The following SCRG1 variants were observed in gnomAD, a reference collection of about 807,000 sequenced individuals.
SCRG1 encodes the protein stimulator of chondrogenesis 1.
SCRG1 carries 3 observed loss-of-function variants against 7.7 expected under a neutral mutation model. That is an observed-to-expected ratio of 0.39 (90% CI 0.18 to 1.01). The LOEUF (loss-of-function observed/expected upper bound fraction) is 1.01, where lower values mean the gene tolerates loss of function less well. Ranked by LOEUF, SCRG1 falls within the 50% of genes least tolerant of loss-of-function variation. The probability of loss-of-function intolerance (pLI) is 0.36; values close to 1 mark genes in which losing one functional copy is unlikely to be tolerated. For missense variants in SCRG1, 110 were observed against 117.2 expected (o/e 0.94, Z 0.28); for synonymous variants, 46 against 41.2 (o/e 1.12, Z -0.44).
At chr4:173,442,158 C>T in the SCRG1 span, among the ~76,000 whole-genome samples, 2 of 152,324 alleles carry the variant, frequency 1.3e-5, no homozygotes, top group African/African-American at 4.8e-5. Context: ...CTAAAATGTA[C>T]TTATTTTTCA....
the SCRG1 span, among the ~76,000 whole-genome samples, chr4:173,485,064 ATATATTATATAT>A: frequency 1.2e-3 from 12 of 9,938 alleles, 4 homozygotes; most frequent in African/African-American, 2.9e-3. Flanking sequence ...ATTATATATT[ATATATTATATAT>A]TATATAATAT....
chr4:173,505,829 C>T, the SCRG1 span, among the ~76,000 whole-genome samples: 5 of 152,330 alleles, frequency 3.3e-5, no homozygotes, highest in East Asian at 9.6e-4. The surrounding 1 kb of genome is among the most constrained non-coding windows in gnomAD (Gnocchi z 4.4). Context: ...TGGAGCTTTG[C>T]TTTCAAAGGT....
the SCRG1 span, among the ~76,000 whole-genome samples, chr4:173,503,533 C>G: frequency 2.0e-5 from 3 of 152,204 alleles, no homozygotes; most frequent in Admixed American, 2.0e-4. The surrounding 1 kb of genome is among the most constrained non-coding windows in gnomAD (Gnocchi z 6.4). Flanking sequence ...AGCTACACCT[C>G]GCCATGCATG....
chr4:173,438,642 C>T, the SCRG1 span, among the ~76,000 whole-genome samples: 2 of 151,888 alleles, frequency 1.3e-5, no homozygotes, highest in African/African-American at 4.8e-5. Flanking sequence ...TAGAAAAATA[C>T]CATCGAAATG....
the SCRG1 span, among the ~76,000 whole-genome samples, chr4:173,443,802 A>T: frequency 2.6e-5 from 4 of 152,046 alleles, no homozygotes. Context: ...AATACCTGGG[A>T]CTATAGGCTT....
chr4:173,507,930 C>T, the SCRG1 span, among the ~76,000 whole-genome samples: 2 of 152,214 alleles, frequency 1.3e-5, no homozygotes, highest in African/African-American at 4.8e-5. This position sits in a 1 kb window ranked among gnomAD's most constrained non-coding sequence, Gnocchi z 4.4. Context: ...CCTGGAAGGC[C>T]AGAATCCCTG....
At chr4:173,431,742 C>T in the SCRG1 span, among the ~76,000 whole-genome samples, 1 of 152,216 alleles carries the variant, frequency 6.6e-6, no homozygotes, top group Non-Finnish European at 1.5e-5. Flanking sequence ...TCTGTCTGAT[C>T]ATCTTCCCAA....
At chr4:173,433,320 G>C in the SCRG1 span, among the ~76,000 whole-genome samples, 1 of 152,144 alleles carries the variant, frequency 6.6e-6, no homozygotes, top group African/African-American at 2.4e-5. Context: ...TATACTAATA[G>C]ACTTTGTGAT....
At chr4:173,394,310 A>G (rs1012453329) in intron 1 of SCRG1, among the ~76,000 whole-genome samples, 28 of 150,944 alleles carry the variant, frequency 1.9e-4, no homozygotes, top group African/African-American at 5.9e-4. Flanking sequence ...GTAAACTGCT[A>G]TAGGTATTTC....
At chr4:173,475,812 T>C in the SCRG1 span, among the ~76,000 whole-genome samples, 3 of 152,190 alleles carry the variant, frequency 2.0e-5, no homozygotes, top group Non-Finnish European at 4.4e-5. Flanking sequence ...ATTTTGAAGA[T>C]AGTATGTTAG....
the SCRG1 span, among the ~76,000 whole-genome samples, chr4:173,500,472 T>TGTGTG: frequency 0.012 from 1,769 of 150,206 alleles, 21 homozygotes; most frequent in African/African-American, 0.034. Context: ...TTAGTAAATT[T>TGTGTG]TGTGTGTGTG....
At chr4:173,513,036 C>A in the SCRG1 span, among the ~76,000 whole-genome samples, 4,349 of 152,210 alleles carry the variant, frequency 0.029, 195 homozygotes, top group African/African-American at 0.092. Context: ...CCCATATGAA[C>A]CATCTATGGA....
chr4:173,410,022 G>A (rs561775029), upstream of SCRG1, among the ~76,000 whole-genome samples: 1 of 152,310 alleles, frequency 6.6e-6, no homozygotes, highest in East Asian at 1.9e-4. Flanking sequence ...CTTACCGAGT[G>A]CTAAAGATCC....
the SCRG1 span, among the ~76,000 whole-genome samples, chr4:173,490,354 G>C: frequency 1.3e-5 from 2 of 152,096 alleles, no homozygotes; most frequent in African/African-American, 4.8e-5. Context: ...TCACTTTTAG[G>C]TTAATTTCTC....
the SCRG1 span, chr4:173,470,120 C>CTTTTTTTTTTTTTTTTTTTTT: frequency 1.1e-5 from 1 of 89,974 alleles, no homozygotes; most frequent in African/African-American, 4.2e-5. Context: ...CTCCCTCTTT[C>CTTTTTTTTTTTTTTTTTTTTT]TTTTTTTTTT....
At chr4:173,508,791 T>G in the SCRG1 span, among the ~76,000 whole-genome samples, 1 of 152,124 alleles carries the variant, frequency 6.6e-6, no homozygotes, top group East Asian at 1.9e-4. This position sits in a 1 kb window ranked among gnomAD's most constrained non-coding sequence, Gnocchi z 4.4. Flanking sequence ...CCACTCCGCA[T>G]CCTAGGTCGA....
At chr4:173,460,777 C>T in the SCRG1 span, among the ~76,000 whole-genome samples, 20 of 152,160 alleles carry the variant, frequency 1.3e-4, no homozygotes, top group Admixed American at 1.2e-3. Context: ...GTCCACGATT[C>T]CAGGACTTGA....
the SCRG1 span, among the ~76,000 whole-genome samples, chr4:173,449,925 CATT>C: frequency 2.0e-5 from 3 of 152,168 alleles, no homozygotes; most frequent in Non-Finnish European, 4.4e-5. Context: ...AATAGTCTGA[CATT>C]ATACAGTTTG....
At chr4:173,482,650 T>A in the SCRG1 span, among the ~76,000 whole-genome samples, 1 of 151,744 alleles carries the variant, frequency 6.6e-6, no homozygotes, top group Non-Finnish European at 1.5e-5. Context: ...AAACCCTGTC[T>A]CTACAAAAAA....
Sources: gnomAD v4.1 joint callset for allele counts (sites outside exome capture counted in the v4.1 genomes callset) on GRCh38, gnomAD v4.1.1 for gene constraint, Gnocchi (gnomAD v3.1) non-coding constraint, MANE v1.5 for transcripts, NCBI Gene and HGNC (gene_info 2026-07-23, HGNC 2026-07-21) for gene names.